The following OXR1 variants were observed in gnomAD, a reference collection of about 807,000 sequenced individuals.
The protein encoded by OXR1 is oxidation resistance protein 1.
Under a neutral mutation model 104.6 loss-of-function variants are expected in OXR1, and 41 were observed. The observed-to-expected ratio is 0.39, with a 90% CI of 0.31 to 0.51. The LOEUF (loss-of-function observed/expected upper bound fraction) is 0.51. Among genes scored for constraint, OXR1 ranks in the 20% least tolerant of loss-of-function variants. The probability of loss-of-function intolerance (pLI) is 0.77; values close to 1 mark genes in which losing one functional copy is unlikely to be tolerated. For synonymous variants in OXR1, 348 were observed against 348.4 expected (o/e 1.00, Z 0.01); for missense variants, 955 against 1,031.9 (o/e 0.93, Z 1.02).
At chr8:106,679,135 AG>A in intron 3 of OXR1, 74 bp from the exon 4 acceptor site, 1 of 801,008 alleles carries the variant, frequency 1.2e-6, no homozygotes, top group Non-Finnish European at 2.1e-6. Flanking sequence ...CTGCCCAAAG[AG>A]CTCTATTCAG....
intron 1 of OXR1, among the ~76,000 whole-genome samples, chr8:106,320,935 G>T (rs1401331178): frequency 6.6e-6 from 1 of 152,112 alleles, no homozygotes; most frequent in Non-Finnish European, 1.5e-5. Context: ...GCCTCCCAAA[G>T]TGCTGGGATT....
chr8:106,681,805 A>T lies in OXR1; in HGVS notation c.304-1394A>T, dbSNP rs146774893. On this transcript the variant is annotated intron_variant, in intron 4 of 16. Transcript: ENST00000517566. ...CTTCCAAAATGCTGGAATTACAGGCATGACCCACCATGTCTGACCTCTGAA... is the reference window on the plus strand; with the variant it reads ...CTTCCAAAATGCTGGAATTACAGGCTTGACCCACCATGTCTGACCTCTGAA... 1.2e-3 allele frequency among the ~76,000 whole-genome samples: 178 copies of T among 152,266 alleles called. 1 individual carries two copies. The highest frequency in any genetic ancestry group is 1.8e-3 in the Non-Finnish European group (123 of 68,008).
chr8:106,564,497 T>C (rs565394537), intron 3 of OXR1, among the ~76,000 whole-genome samples: 1 of 152,010 alleles, frequency 6.6e-6, no homozygotes, highest in East Asian at 1.9e-4. Context: ...ATTAATAGCC[T>C]ACCAACCAAA....
intron 2 of OXR1, among the ~76,000 whole-genome samples, chr8:106,374,789 A>G (rs1350394918): frequency 1.3e-5 from 2 of 152,160 alleles, no homozygotes; most frequent in Non-Finnish European, 2.9e-5. Flanking sequence ...AGGCCTCCCT[A>G]TTTCAGCTAT....
Position 106,397,474 on chromosome 8 carries a change from G to A in OXR1, c.23+37838G>A, listed in dbSNP as rs891165106. On this transcript the variant is annotated intron_variant, in intron 2 of 16. Coordinates refer to ENST00000517566, the MANE Select transcript of OXR1 (RefSeq NM_001198533.2). ...AAGCTCAGTTAGTGGTGGCATTCTAGTCATACTTCTCTGAAGAGATTTTTT... is the reference window on the plus strand; with the variant it reads ...AAGCTCAGTTAGTGGTGGCATTCTAATCATACTTCTCTGAAGAGATTTTTT... Among the ~76,000 whole-genome samples, 8 of 152,162 alleles carry A rather than the reference G, an allele frequency of 5.3e-5. 1 individual carries two copies. Among genetic ancestry groups the A allele is most frequent in the African/African-American group, 1.9e-4 (8 of 41,526 alleles).
At chr8:106,550,709 C>G (rs186170751) in intron 3 of OXR1, among the ~76,000 whole-genome samples, 1 of 152,072 alleles carries the variant, frequency 6.6e-6, no homozygotes, top group Non-Finnish European at 1.5e-5. Flanking sequence ...TGCCTCTTCC[C>G]CTTCCACCAT....
At chr8:106,563,941 G>A (rs986414114) in intron 3 of OXR1, among the ~76,000 whole-genome samples, 1 of 152,126 alleles carries the variant, frequency 6.6e-6, no homozygotes, top group South Asian at 2.1e-4. Context: ...TGAAACCAAT[G>A]AGAACAAAGA....
rs192243191 is a variant in OXR1 at position 106,620,658 on chromosome 8, T to C, written c.221-58552T>C. The stretch of plus-strand genomic sequence containing the variant: ...ATGAAATGGACAGGGAACAAGTTTT[T>C]AAAACTGAAGACCCACATTCAAGTT... On this transcript the variant is annotated intron_variant, in intron 3 of 16. Coordinates refer to ENST00000517566, the MANE Select transcript of OXR1 (RefSeq NM_001198533.2). Among the ~76,000 whole-genome samples the C allele has an allele frequency of 5.3e-3, 807 of 152,306 alleles. 6 individuals are homozygous for C. Among genetic ancestry groups the C allele is most frequent in the Non-Finnish European group, 8.4e-3 (570 of 68,028 alleles).
chr8:106,689,165 A>G (rs1272310252), intron 6 of OXR1, among the ~76,000 whole-genome samples: 1 of 152,138 alleles, frequency 6.6e-6, no homozygotes, highest in Non-Finnish European at 1.5e-5. Context: ...TATTGGTACG[A>G]CCATGCTCCT....
chr8:106,414,324 A>C (rs569691943), intron 2 of OXR1, among the ~76,000 whole-genome samples: 9 of 152,070 alleles, frequency 5.9e-5, no homozygotes, highest in Admixed American at 4.6e-4. Context: ...AGTGGTGTCT[A>C]TCCTGTGTAA....
At chr8:106,406,265 T>C (rs1384263495) in intron 2 of OXR1, among the ~76,000 whole-genome samples, 11 of 152,310 alleles carry the variant, frequency 7.2e-5, no homozygotes, top group African/African-American at 2.2e-4. Flanking sequence ...TTCAGAAACA[T>C]GTAAATTAAA....
intron 3 of OXR1, among the ~76,000 whole-genome samples, chr8:106,576,279 G>T (rs961351724): frequency 3.3e-5 from 5 of 151,636 alleles, no homozygotes; most frequent in Non-Finnish European, 7.4e-5. Flanking sequence ...GGAACAGTAA[G>T]ATTATTTTCT....
At chr8:106,437,957 T>C (rs1274559872) in intron 2 of OXR1, among the ~76,000 whole-genome samples, 8 of 152,116 alleles carry the variant, frequency 5.3e-5, no homozygotes, top group African/African-American at 1.9e-4. Flanking sequence ...AGAAAACTAC[T>C]GGGGGCTTAT....
intron 2 of OXR1, among the ~76,000 whole-genome samples, chr8:106,436,274 A>G (rs57436256): frequency 0.12 from 17,726 of 152,066 alleles, 1,479 homozygotes; most frequent in East Asian, 0.42. Context: ...TATTATTCTC[A>G]GTCTACATAT....
intron 1 of OXR1, among the ~76,000 whole-genome samples, chr8:106,286,211 A>C (rs1812494206): frequency 6.6e-6 from 1 of 151,976 alleles, no homozygotes; most frequent in Non-Finnish European, 1.5e-5. Context: ...TATCCAGTGG[A>C]GGAAGCCTGC....
chr8:106,567,331 G>A (rs757754168), intron 3 of OXR1, among the ~76,000 whole-genome samples: 74 of 152,130 alleles, frequency 4.9e-4, no homozygotes, highest in Non-Finnish European at 1.1e-3. Context: ...GTTTTAAAAT[G>A]ATTACTCATC....
At chr8:106,570,223 T>A (rs945230950) in intron 3 of OXR1, among the ~76,000 whole-genome samples, 2 of 152,226 alleles carry the variant, frequency 1.3e-5, no homozygotes, top group African/African-American at 4.8e-5. Flanking sequence ...ATCTCCATAC[T>A]TGTGATTTTC....
At chr8:106,494,219 G>A (rs202069557) in intron 2 of OXR1, among the ~76,000 whole-genome samples, 1 of 152,044 alleles carries the variant, frequency 6.6e-6, no homozygotes, top group South Asian at 2.1e-4. Flanking sequence ...GCTTTTTCTT[G>A]CCAGATAATT....
intron 11 of OXR1, 66 bp from the exon 12 acceptor site, chr8:106,737,440 CTTTTTTTTTTTTTT>C (rs71562118): frequency 1.4e-5 from 2 of 146,254 alleles, no homozygotes; most frequent in Admixed American, 1.4e-4. Flanking sequence ...AATTTCTCCT[CTTTTTTTTTTTTTT>C]TTTTTTTTTT....
Sources: allele counts gnomAD v4.1 joint callset (sites outside exome capture counted in the v4.1 genomes callset), GRCh38; gene constraint gnomAD v4.1.1; transcripts MANE v1.5; gene names NCBI Gene and HGNC (gene_info 2026-07-23, HGNC 2026-07-21).